PEBP4: variants seen among roughly 807,000 people sequenced by gnomAD.
PEBP4 encodes phosphatidylethanolamine-binding protein 4.
PEBP4 carries 22 observed loss-of-function variants against 23.9 expected under a neutral mutation model. The ratio of observed to expected loss-of-function variants is 0.92; its 90% CI spans 0.66 to 1.31. PEBP4 has a LOEUF of 1.31. PEBP4 is among the 40% of genes most tolerant of loss of function. PEBP4 has a pLI of 0.00. For synonymous variants in PEBP4, 112 were observed against 99.3 expected (o/e 1.13, Z -0.76); for missense variants, 324 against 281.7 (o/e 1.15, Z -1.07).
chr8:22,722,640 T>C (rs1804540166), intron 6 of PEBP4, among the ~76,000 whole-genome samples: 1 of 152,220 alleles, frequency 6.6e-6, no homozygotes, highest in Non-Finnish European at 1.5e-5. Flanking sequence ...TGTAAGCCAC[T>C]TGGGGACAGG....
At chr8:22,862,823 C>T (rs1447808710) in intron 3 of PEBP4, among the ~76,000 whole-genome samples, 13 of 127,072 alleles carry the variant, frequency 1.0e-4, no homozygotes, top group Non-Finnish European at 1.4e-4. Context: ...TTTTTTGAGA[C>T]GGAGTGTCGC....
chr8:22,789,401 G>A (rs1806092351), intron 4 of PEBP4, among the ~76,000 whole-genome samples: 1 of 152,094 alleles, frequency 6.6e-6, no homozygotes, highest in Non-Finnish European at 1.5e-5. Context: ...GTCAGAGATG[G>A]GGGTGGGTGC....
intron 6 of PEBP4, among the ~76,000 whole-genome samples, chr8:22,724,086 G>A (rs544709863): frequency 1.9e-4 from 29 of 152,368 alleles, no homozygotes; most frequent in Non-Finnish European, 4.0e-4. Flanking sequence ...AAATTGGGGA[G>A]CTGAGAGTGC....
At chr8:22,769,487 G>A (rs910705395) in intron 4 of PEBP4, among the ~76,000 whole-genome samples, 1 of 152,180 alleles carries the variant, frequency 6.6e-6, no homozygotes, top group Non-Finnish European at 1.5e-5. Flanking sequence ...AATAAGCAAA[G>A]ACCTTCCCTG....
At chr8:22,846,727 A>G (rs1807445598) in intron 3 of PEBP4, among the ~76,000 whole-genome samples, 1 of 152,144 alleles carries the variant, frequency 6.6e-6, no homozygotes, top group Non-Finnish European at 1.5e-5. Flanking sequence ...CACATCTACC[A>G]TGGCCTCACA....
chr8:22,826,178 G>T (rs1806965003), intron 3 of PEBP4, among the ~76,000 whole-genome samples: 1 of 152,130 alleles, frequency 6.6e-6, no homozygotes, highest in Admixed American at 6.5e-5. Flanking sequence ...TATATCTCAA[G>T]GTAAGTGTTC....
intron 3 of PEBP4, among the ~76,000 whole-genome samples, chr8:22,901,982 C>CA (rs34686960): frequency 2.0e-5 from 3 of 152,182 alleles, no homozygotes; most frequent in Non-Finnish European, 2.9e-5. Flanking sequence ...AGCTCATCCC[C>CA]AAGTGCGGCT....
At chr8:22,901,666 G>A (rs934981723) in intron 3 of PEBP4, among the ~76,000 whole-genome samples, 9 of 152,234 alleles carry the variant, frequency 5.9e-5, no homozygotes, top group African/African-American at 1.4e-4. Context: ...AGGATCCCGG[G>A]CTGGGGGATT....
chr8:22,781,300 G>A (rs950407060), intron 4 of PEBP4, among the ~76,000 whole-genome samples: 2 of 152,122 alleles, frequency 1.3e-5, no homozygotes, highest in Non-Finnish European at 2.9e-5. Flanking sequence ...CGGGAGAGCC[G>A]GAGGGGGAAG....
At chr8:22,713,916 G>A (rs896525253) in intron 6 of PEBP4, among the ~76,000 whole-genome samples, 4 of 152,356 alleles carry the variant, frequency 2.6e-5, no homozygotes, top group Non-Finnish European at 4.4e-5. Context: ...CCCTCTCCCT[G>A]CAGGCTCCCC....
At chr8:22,803,635 G>C (rs946777613) in intron 4 of PEBP4, among the ~76,000 whole-genome samples, 6 of 152,006 alleles carry the variant, frequency 3.9e-5, no homozygotes, top group Admixed American at 1.3e-4. Flanking sequence ...CTGCACTCTA[G>C]ACTGGGCAAC....
chr8:22,920,358 C>A (rs781069334), intron 2 of PEBP4, 48 bp from the exon 3 acceptor site: 1 of 1,579,672 alleles, frequency 6.3e-7, no homozygotes, highest in African/African-American at 1.3e-5. Context: ...TTTAAGGGAG[C>A]CTGGGGTTCC....
intron 4 of PEBP4, among the ~76,000 whole-genome samples, chr8:22,731,357 T>A (rs1017736534): frequency 1.3e-5 from 2 of 152,234 alleles, no homozygotes; most frequent in African/African-American, 2.4e-5. Context: ...ACCTTTATGA[T>A]GATCCACTTC....
intron 3 of PEBP4, among the ~76,000 whole-genome samples, chr8:22,825,433 T>C (rs552253598): frequency 6.6e-6 from 1 of 152,344 alleles, no homozygotes; most frequent in East Asian, 1.9e-4. Flanking sequence ...CTAGGGAATT[T>C]TATACTTGCC....
At chr8:22,873,505 C>CT (rs796648594) in intron 3 of PEBP4, among the ~76,000 whole-genome samples, 193 of 152,038 alleles carry the variant, frequency 1.3e-3, no homozygotes, top group African/African-American at 4.3e-3. Context: ...GTGGCACAGG[C>CT]TTGTAGTCCC....
chr8:22,852,663 G>A (rs1356974111), intron 3 of PEBP4, among the ~76,000 whole-genome samples: 1 of 151,676 alleles, frequency 6.6e-6, no homozygotes, highest in African/African-American at 2.4e-5. Context: ...GCCGTGCAAA[G>A]TCCTCACTAA....
At chr8:22,809,271 C>G (rs1162473518) in intron 4 of PEBP4, among the ~76,000 whole-genome samples, 2 of 152,112 alleles carry the variant, frequency 1.3e-5, no homozygotes, top group Non-Finnish European at 2.9e-5. Context: ...GGGAGGTAAA[C>G]AATTTGCTCA....
At chr8:22,758,177 C>A (rs1028626350) in intron 4 of PEBP4, 1 of 152,208 alleles carries the variant, frequency 6.6e-6, no homozygotes. Flanking sequence ...CTCTACTAAA[C>A]GCTATTTTGA....
chr8:22,874,566 G>A (rs367904878), intron 3 of PEBP4, among the ~76,000 whole-genome samples: 3 of 151,284 alleles, frequency 2.0e-5, no homozygotes, highest in East Asian at 1.9e-4. Context: ...GTATTTCTAC[G>A]GCATATGAAA....
Sources: allele counts gnomAD v4.1 joint callset (sites outside exome capture counted in the v4.1 genomes callset), GRCh38; gene constraint gnomAD v4.1.1; transcripts MANE v1.5; gene names NCBI Gene and HGNC (gene_info 2026-07-23, HGNC 2026-07-21).